Variants in SLCO1B3 observed in about 807,000 individuals in gnomAD.
SLCO1B3 encodes the protein liver-specific organic anion transporter 2.
In SLCO1B3, 72 loss-of-function variants were observed where a neutral mutation model predicts 71.8. The ratio of observed to expected loss-of-function variants is 1.00; its 90% CI spans 0.83 to 1.22. SLCO1B3 has a LOEUF of 1.22. Ranked by LOEUF, SLCO1B3 falls within the 50% of genes most tolerant of loss-of-function variation. The pLI is 0.00. For synonymous variants in SLCO1B3, 298 were observed against 278.4 expected (o/e 1.07, Z -0.70); for missense variants, 911 against 819.7 (o/e 1.11, Z -1.36).
rs75240979 is a variant in SLCO1B3, at chr12:20,843,123, T to G, written c.85-11905T>G. On this transcript the variant is annotated intron_variant, in intron 3 of 15. Coordinates refer to ENST00000381545, the MANE Select transcript of SLCO1B3 (RefSeq NM_019844.4). ...CCCAAACATACTAAAATACATGTTC[T>G]CATGTTCTTTGATACGCCTCTTTAA... Among the ~76,000 whole-genome samples, 456 of 152,356 alleles carry G rather than the reference T, an allele frequency of 3.0e-3. 1 individual carries two copies. Among genetic ancestry groups the G allele is most frequent in the African/African-American group, 0.01 (425 of 41,594 alleles).
intron 15 of SLCO1B3, among the ~76,000 whole-genome samples, chr12:20,907,866 T>TA (rs1479824546): frequency 2.0e-5 from 3 of 152,120 alleles, no homozygotes; most frequent in African/African-American, 7.2e-5. Context: ...AAAAACTTAA[T>TA]AAATTTACTT....
intron 3 of SLCO1B3, among the ~76,000 whole-genome samples, chr12:20,837,836 T>C (rs1217941618): frequency 6.6e-6 from 1 of 152,164 alleles, no homozygotes; most frequent in African/African-American, 2.4e-5. Flanking sequence ...ATGTTAATTA[T>C]ATCCAGTTGA....
At chr12:20,843,694 T>C (rs1247871003) in intron 3 of SLCO1B3, among the ~76,000 whole-genome samples, 3 of 151,528 alleles carry the variant, frequency 2.0e-5, no homozygotes, top group South Asian at 2.1e-4. Flanking sequence ...GGCAGGAGAA[T>C]GGCATGAACC....
At chr12:20,883,019 C>T (rs1296940872) in intron 12 of SLCO1B3, among the ~76,000 whole-genome samples, 2 of 152,108 alleles carry the variant, frequency 1.3e-5, no homozygotes, top group Non-Finnish European at 2.9e-5. Context: ...ATTTCCTCTG[C>T]ACTCTGTCCC....
intron 3 of SLCO1B3, among the ~76,000 whole-genome samples, chr12:20,831,726 T>A (rs1591749371): frequency 6.6e-6 from 1 of 152,200 alleles, no homozygotes; most frequent in African/African-American, 2.4e-5. Flanking sequence ...TTATTAATTT[T>A]GAAATCTTGT....
intron 8 of SLCO1B3, among the ~76,000 whole-genome samples, chr12:20,873,733 A>G (rs1865523063): frequency 6.6e-6 from 1 of 152,124 alleles, no homozygotes; most frequent in Non-Finnish European, 1.5e-5. Context: ...TCCCACATGC[A>G]TTAGCTATTT....
chr12:20,814,813 C>T lies in SLCO1B3; in HGVS notation c.-65-861C>T, dbSNP rs546036152. Among the ~76,000 whole-genome samples, 27 of 151,698 alleles carry T rather than the reference C, an allele frequency of 1.8e-4. No homozygotes were observed. In the East Asian group the frequency reaches 4.9e-3, roughly 27 times the overall value. On this transcript the variant is annotated intron_variant, in intron 2 of 15. Transcript: ENST00000381545. The stretch of plus-strand genomic sequence containing the variant: ...TCAGGAGGCTGAGGCAGGAGAATGG[C>T]GTGAACCTGGGAGGCAGAGCTTACA...
chr12:20,867,259 T>C (rs1865391292), intron 8 of SLCO1B3, among the ~76,000 whole-genome samples: 1 of 152,106 alleles, frequency 6.6e-6, no homozygotes, highest in South Asian at 2.1e-4. Flanking sequence ...GAGAACATTA[T>C]AAAAGTCTGA....
chr12:20,866,866 A>G (rs1023144121), intron 8 of SLCO1B3, among the ~76,000 whole-genome samples: 12 of 152,110 alleles, frequency 7.9e-5, no homozygotes, highest in African/African-American at 9.7e-5. Context: ...GTTCTTACCT[A>G]TACAACTGCT....
intron 3 of SLCO1B3, among the ~76,000 whole-genome samples, chr12:20,852,298 C>T (rs908048523): frequency 1.4e-4 from 21 of 152,110 alleles, no homozygotes; most frequent in Admixed American, 1.0e-3. Flanking sequence ...CCAAGCAACA[C>T]AGCAAGATGC....
chr12:20,898,109 G>C (rs1281226823), intron 13 of SLCO1B3, among the ~76,000 whole-genome samples: 1 of 152,090 alleles, frequency 6.6e-6, no homozygotes, highest in African/African-American at 2.4e-5. Context: ...TGACTAAATA[G>C]TCCACACAAA....
chr12:20,865,614 T>C (rs1438886793), intron 8 of SLCO1B3, among the ~76,000 whole-genome samples: 1 of 152,086 alleles, frequency 6.6e-6, no homozygotes, highest in Non-Finnish European at 1.5e-5. Flanking sequence ...ATAAATGTAT[T>C]GGAAACATTT....
At chr12:20,914,566 G>A (rs1866454212) in intron 15 of SLCO1B3, among the ~76,000 whole-genome samples, 1 of 151,862 alleles carries the variant, frequency 6.6e-6, no homozygotes, top group African/African-American at 2.4e-5. Flanking sequence ...AATCAATTTA[G>A]AATAATTTTT....
At chr12:20,906,451 T>C (rs1187328780) in intron 15 of SLCO1B3, among the ~76,000 whole-genome samples, 2 of 152,136 alleles carry the variant, frequency 1.3e-5, no homozygotes, top group East Asian at 3.9e-4. Context: ...GCCAAACCTA[T>C]AGAACTTTAC....
intron 13 of SLCO1B3, among the ~76,000 whole-genome samples, chr12:20,894,047 G>A (rs913038679): frequency 1.4e-4 from 21 of 152,192 alleles, no homozygotes; most frequent in Admixed American, 3.3e-4. Flanking sequence ...CTATTGTTAG[G>A]GTTTCATTAG....
At chr12:20,873,570 T>C (rs1865519257) in intron 8 of SLCO1B3, among the ~76,000 whole-genome samples, 1 of 152,178 alleles carries the variant, frequency 6.6e-6, no homozygotes, top group Non-Finnish European at 1.5e-5. Context: ...TCCAGCCCTT[T>C]CTCTCCCCAA....
At position 20,916,045 on chromosome 12, in the gene SLCO1B3, C is replaced by A. The variant is rs764940356; in HGVS notation, c.1907C>A (p.Ala636Glu). Residue 636 changes from alanine (A) to glutamate (E), a missense_variant, in exon 16 of 16, where the codon GCA becomes GAA. Coordinates refer to ENST00000381545, the MANE Select transcript of SLCO1B3 (RefSeq NM_019844.4). ...TTATCTATAGCTTTAAGATTCCCAG[C>A]ACTTGTTTTATATATTGTTTTCATT... is the stretch of plus-strand genomic sequence containing the variant. Reference protein sequence around the residue: ...LGLSIALRFPALVLYIVFIFA... With the variant: ...LGLSIALRFPELVLYIVFIFA... The A allele has an allele frequency of 6.8e-6, 11 of 1,609,928 alleles. No homozygotes were observed. The East Asian group carries it at 1.3e-4, about 20-fold the overall frequency.
chr12:20,830,860 A>G (rs746264840), intron 3 of SLCO1B3, among the ~76,000 whole-genome samples: 15 of 152,164 alleles, frequency 9.9e-5, no homozygotes, highest in East Asian at 1.9e-4. Context: ...ATTATCTTCT[A>G]TTGTCTAAGG....
chr12:20,874,384 T>C (rs1031639594), intron 8 of SLCO1B3, among the ~76,000 whole-genome samples: 2 of 152,184 alleles, frequency 1.3e-5, no homozygotes, highest in African/African-American at 2.4e-5. Context: ...TCCTGATGTA[T>C]AGCAATCTCT....
Sources: allele counts gnomAD v4.1 joint callset (sites outside exome capture counted in the v4.1 genomes callset), GRCh38; gene constraint gnomAD v4.1.1; transcripts MANE v1.5; gene names NCBI Gene and HGNC (gene_info 2026-07-23, HGNC 2026-07-21).